Variants in CNTNAP2 observed in about 807,000 individuals in gnomAD.
CNTNAP2 encodes the protein contactin-associated protein-like 2.
CNTNAP2 carries 98 observed loss-of-function variants against 155.2 expected under a neutral mutation model. That is an observed-to-expected ratio of 0.63 (90% CI 0.54 to 0.75). CNTNAP2 has a LOEUF of 0.75. Ranked by LOEUF, CNTNAP2 falls within the 30% of genes least tolerant of loss-of-function variation. The probability of loss-of-function intolerance (pLI) is 0.00; values close to 1 mark genes in which losing one functional copy is unlikely to be tolerated. For synonymous variants in CNTNAP2, 651 were observed against 631.2 expected (o/e 1.03, Z -0.47); for missense variants, 1,727 against 1,688.1 (o/e 1.02, Z -0.40).
intron 21 of CNTNAP2, among the ~76,000 whole-genome samples, chr7:148,317,098 G>A (rs1014489362): frequency 6.6e-6 from 1 of 152,218 alleles, no homozygotes; most frequent in African/African-American, 2.4e-5. Flanking sequence ...GCTCTCGCCT[G>A]TAATCCCAGC....
intron 12 of CNTNAP2, among the ~76,000 whole-genome samples, chr7:147,589,293 G>A (rs1800694550): frequency 6.6e-6 from 1 of 152,228 alleles, no homozygotes; most frequent in Admixed American, 6.5e-5. Flanking sequence ...ACTGACCTTT[G>A]CATGCACAAA....
rs112584497 is a variant in CNTNAP2 at position 147,433,166 on chromosome 7, C to T, written c.1670+37386C>T. On this transcript the variant is annotated intron_variant, in intron 10 of 23. Coordinates refer to ENST00000361727, the MANE Select transcript of CNTNAP2 (RefSeq NM_014141.6). Reference sequence around the variant, plus strand: ...GCTGAATCTTTCCCCTGTGTCGTGACGCCTCTTTTATATCATAATTTTTAA... The same window carrying T: ...GCTGAATCTTTCCCCTGTGTCGTGATGCCTCTTTTATATCATAATTTTTAA... 2.3e-3 allele frequency among the ~76,000 whole-genome samples: 347 copies of T among 152,260 alleles called. 1 individual carries two copies. The highest frequency in any genetic ancestry group is 7.9e-3 in the African/African-American group (329 of 41,544).
At chr7:147,536,607 T>A (rs1392316397) in intron 11 of CNTNAP2, among the ~76,000 whole-genome samples, 1 of 152,146 alleles carries the variant, frequency 6.6e-6, no homozygotes, top group African/African-American at 2.4e-5. Context: ...CCATGGTGTA[T>A]GTGTCCGAAA....
intron 1 of CNTNAP2, among the ~76,000 whole-genome samples, chr7:146,319,766 G>T (rs916886895): frequency 6.6e-6 from 1 of 152,156 alleles, no homozygotes; most frequent in African/African-American, 2.4e-5. Flanking sequence ...ACAGATTTCT[G>T]TGTAGCTGAT....
intron 1 of CNTNAP2, among the ~76,000 whole-genome samples, chr7:146,587,777 A>G (rs1266575402): frequency 6.6e-6 from 1 of 151,918 alleles, no homozygotes. Context: ...TGTTCAAGCG[A>G]TTCTCCTGCC....
chr7:147,542,332 A>G (rs1472863492), intron 11 of CNTNAP2, among the ~76,000 whole-genome samples: 3 of 152,030 alleles, frequency 2.0e-5, no homozygotes, highest in East Asian at 3.9e-4. Flanking sequence ...AAAAAAGCAA[A>G]TAAGAAAGTA....
intron 14 of CNTNAP2, among the ~76,000 whole-genome samples, chr7:147,932,335 T>A (rs927172884): frequency 1.3e-5 from 2 of 152,154 alleles, no homozygotes; most frequent in African/African-American, 4.8e-5. Flanking sequence ...GCTTCAGTAA[T>A]TAAAACACTA....
intron 10 of CNTNAP2, among the ~76,000 whole-genome samples, chr7:147,472,720 G>A (rs12703918): frequency 0.65 from 98,053 of 151,720 alleles, 32,266 homozygotes; most frequent in African/African-American, 0.77. Context: ...TGTTTACAAA[G>A]CTTTGTTAAT....
At chr7:146,660,048 T>C (rs1800060538) in intron 1 of CNTNAP2, among the ~76,000 whole-genome samples, 1 of 152,242 alleles carries the variant, frequency 6.6e-6, no homozygotes, top group Non-Finnish European at 1.5e-5. Flanking sequence ...AAGTCATCCC[T>C]TTCACCTGAA....
At chr7:146,284,162 CAA>C (rs2129085327) in intron 1 of CNTNAP2, among the ~76,000 whole-genome samples, 1 of 152,172 alleles carries the variant, frequency 6.6e-6, no homozygotes, top group South Asian at 2.1e-4. Flanking sequence ...AGAATGGAAA[CAA>C]TGTGTAGAAA....
chr7:146,504,388 G>T (rs925168883), intron 1 of CNTNAP2, among the ~76,000 whole-genome samples: 1 of 152,194 alleles, frequency 6.6e-6, no homozygotes, highest in African/African-American at 2.4e-5. Context: ...GAAACTCCTT[G>T]CAAAGCTGCT....
intron 1 of CNTNAP2, among the ~76,000 whole-genome samples, chr7:146,437,327 A>G (rs1796258401): frequency 6.6e-6 from 1 of 151,496 alleles, no homozygotes; most frequent in South Asian, 2.1e-4. Context: ...CTAAACGACA[A>G]AACTACTATT....
chr7:146,707,504 G>A (rs1287736755), intron 1 of CNTNAP2, among the ~76,000 whole-genome samples: 1 of 151,848 alleles, frequency 6.6e-6, no homozygotes, highest in African/African-American at 2.4e-5. Flanking sequence ...TTTTTTTGTG[G>A]TTCTCTCTTA....
intron 15 of CNTNAP2, among the ~76,000 whole-genome samples, chr7:148,017,385 T>C (rs1178361234): frequency 6.6e-6 from 1 of 152,206 alleles, no homozygotes; most frequent in East Asian, 1.9e-4. Context: ...CAAAATTATT[T>C]GTGTTTACAT....
intron 15 of CNTNAP2, among the ~76,000 whole-genome samples, chr7:148,114,687 T>C (rs1056674055): frequency 1.3e-5 from 2 of 152,214 alleles, no homozygotes; most frequent in South Asian, 2.1e-4. Context: ...GCATCCATGA[T>C]TTATTATTTG....
In CNTNAP2 at chr7:146,948,787, A is replaced by G. The variant is rs747703782; in HGVS notation, c.403-95120A>G. ...TCCACAAATTAACTTGTGGTGGTGT[A>G]CATGACAAAGCTTTTTTCTTTACAA... On this transcript the variant is annotated intron_variant, in intron 3 of 23. Transcript: ENST00000361727. Among the ~76,000 whole-genome samples, 64 of 152,192 alleles carry G rather than the reference A, an allele frequency of 4.2e-4. 2 individuals carry two copies. The highest frequency in any genetic ancestry group is 8.8e-5 in the Non-Finnish European group (6 of 68,032).
intron 15 of CNTNAP2, among the ~76,000 whole-genome samples, chr7:148,088,715 C>A (rs762938108): frequency 2.6e-5 from 4 of 151,948 alleles, no homozygotes; most frequent in Non-Finnish European, 5.9e-5. Flanking sequence ...AGCTTTACTG[C>A]TGAATTCTAC....
intron 15 of CNTNAP2, among the ~76,000 whole-genome samples, chr7:148,085,441 C>T (rs1803705625): frequency 6.6e-6 from 1 of 152,110 alleles, no homozygotes; most frequent in Non-Finnish European, 1.5e-5. Flanking sequence ...TGTAAAATCT[C>T]TTCTATTAAA....
intron 8 of CNTNAP2, chr7:147,167,525 T>C (rs1164917554): frequency 1.2e-6 from 1 of 825,720 alleles, no homozygotes; most frequent in East Asian, 2.6e-5. Flanking sequence ...ATTATAAGCA[T>C]GACTTAGAGG....
Sources: gnomAD v4.1 joint callset for allele counts (sites outside exome capture counted in the v4.1 genomes callset) on GRCh38, gnomAD v4.1.1 for gene constraint, MANE v1.5 for transcripts, NCBI Gene and HGNC (gene_info 2026-07-23, HGNC 2026-07-21) for gene names.